The following KANSL1 variants were observed in gnomAD, a reference collection of about 807,000 sequenced individuals.
The protein encoded by KANSL1 is KAT8 regulatory NSL complex subunit 1.
Under a neutral mutation model 103.6 loss-of-function variants are expected in KANSL1, and 22 were observed. The observed-to-expected ratio is 0.21, with a 90% CI of 0.15 to 0.30. KANSL1 has a LOEUF of 0.30. Among genes scored for constraint, KANSL1 ranks in the 10% least tolerant of loss-of-function variants. The pLI is 1.00. For missense variants in KANSL1, 1,337 were observed against 1,399.8 expected, an observed-to-expected ratio of 0.96 and a Z score of 0.72; for synonymous variants, 600 against 527.6, an observed-to-expected ratio of 1.14 and a Z score of -1.88.
At chr17:46,204,473 A>C (rs1218787552) in intron 1 of KANSL1, among the ~76,000 whole-genome samples, 2 of 152,130 alleles carry the variant, frequency 1.3e-5, no homozygotes, top group Non-Finnish European at 2.9e-5. Flanking sequence ...TCAAAAAAAC[A>C]AACAGTTATA....
chr17:46,065,357 G>A (rs2078339781), intron 6 of KANSL1, among the ~76,000 whole-genome samples: 1 of 152,126 alleles, frequency 6.6e-6, no homozygotes, highest in South Asian at 2.1e-4. Flanking sequence ...CATAGGGTAA[G>A]CACTTTTGTC....
At chr17:46,116,575 A>C (rs958176698) in intron 2 of KANSL1, among the ~76,000 whole-genome samples, 10 of 152,236 alleles carry the variant, frequency 6.6e-5, no homozygotes, top group Non-Finnish European at 2.9e-5. Flanking sequence ...AACTATAATA[A>C]TGTTTTCTAT....
At chr17:46,096,478 G>A (rs2042090129) in intron 2 of KANSL1, among the ~76,000 whole-genome samples, 1 of 150,668 alleles carries the variant, frequency 6.6e-6, no homozygotes, top group Non-Finnish European at 1.5e-5. Context: ...GCGCCACCAT[G>A]CCCGGCTAAT....
chr17:46,121,920 A>G (rs145325710), intron 2 of KANSL1, among the ~76,000 whole-genome samples: 1 of 152,300 alleles, frequency 6.6e-6, no homozygotes, highest in African/African-American at 2.4e-5. Context: ...ACATTATCCT[A>G]CAGTTGGGCA....
At chr17:46,117,772 A>ATTTTAATTAATT (rs1417200198) in intron 2 of KANSL1, among the ~76,000 whole-genome samples, 1 of 152,248 alleles carries the variant, frequency 6.6e-6, no homozygotes, top group African/African-American at 2.4e-5. Context: ...CATTTTAATT[A>ATTTTAATTAATT]TGCTTTTAAA....
chr17:46,141,641 T>C (rs1056161700), intron 2 of KANSL1, among the ~76,000 whole-genome samples: 2 of 152,124 alleles, frequency 1.3e-5, no homozygotes, highest in Non-Finnish European at 2.9e-5. Flanking sequence ...TGCCCAAGAA[T>C]ACAGTATCCT....
intron 2 of KANSL1, among the ~76,000 whole-genome samples, chr17:46,121,972 T>TA (rs2043301283): frequency 6.6e-6 from 1 of 152,214 alleles, no homozygotes; most frequent in East Asian, 1.9e-4. Flanking sequence ...AAAGCATGAA[T>TA]AACTCATTTA....
chr17:46,199,448 G>A (rs2047722500), intron 1 of KANSL1, among the ~76,000 whole-genome samples: 1 of 152,176 alleles, frequency 6.6e-6, no homozygotes, highest in South Asian at 2.1e-4. Flanking sequence ...ATTAAATGGA[G>A]GCCTTAGCTG....
chr17:46,033,467 A>C lies in KANSL1; in HGVS notation c.2667-7T>G. 1.2e-6 allele frequency: 2 copies of C among 1,613,890 alleles called. No homozygotes were observed. The highest frequency in any genetic ancestry group is 1.7e-6 in the Non-Finnish European group (2 of 1,179,798). ...AAGATCAACCTCCCGCCAGCTGCAA[A>C]ACCAAGAACAGACAATCATGAGATG... On this transcript the variant is annotated splice_polypyrimidine_tract_variant and splice_region_variant and intron_variant, in intron 11 of 14. Coordinates refer to ENST00000432791, the MANE Select transcript of KANSL1 (RefSeq NM_015443.4).
chr17:46,033,641 C>G, intron 11 of KANSL1, 181 bp from the exon 12 acceptor site: 2 of 628,686 alleles, frequency 3.2e-6, no homozygotes, highest in Non-Finnish European at 5.7e-6. Flanking sequence ...AAATTGGCCA[C>G]CTACTCAAAT....
intron 1 of KANSL1, among the ~76,000 whole-genome samples, chr17:46,200,375 A>G (rs909448154): frequency 5.9e-5 from 9 of 152,226 alleles, no homozygotes; most frequent in African/African-American, 2.2e-4. Flanking sequence ...GGGCCTGACA[A>G]AAGTGAGTCA....
In KANSL1 at chr17:46,031,148, T is replaced by A; in HGVS notation, c.*328A>T. 2.7e-6 allele frequency: 1 copy of A among 374,190 alleles called. No homozygotes were observed. The highest frequency in any genetic ancestry group is 5.0e-6 in the Non-Finnish European group (1 of 201,318). The allele number at this position is 374,190 out of a possible 1,614,324, so 23.2% of individuals were successfully genotyped here. ...CAGGCTGTTCTGCCCTGCCCACAGG[T>A]GTGAGGGAGGGGGTGGTCATCTAAG... On this transcript the variant is annotated 3_prime_UTR_variant, in exon 15 of 15. Coordinates refer to ENST00000432791, the MANE Select transcript of KANSL1 (RefSeq NM_015443.4).
chr17:46,218,318 T>C (rs2048404161), intron 1 of KANSL1, among the ~76,000 whole-genome samples: 1 of 152,264 alleles, frequency 6.6e-6, no homozygotes, highest in African/African-American at 2.4e-5. Flanking sequence ...ACACTCTGCG[T>C]GAATAAACTC....
At chr17:46,038,916 T>C in intron 9 of KANSL1, 111 bp downstream of exon 9, 1 of 1,378,698 alleles carries the variant, frequency 7.3e-7, no homozygotes, top group Non-Finnish European at 9.9e-7. Context: ...CTACTCTGCT[T>C]TCCTAGAAAG....
At chr17:46,063,518 A>G (rs922182289) in intron 6 of KANSL1, among the ~76,000 whole-genome samples, 1 of 152,174 alleles carries the variant, frequency 6.6e-6, no homozygotes, top group African/African-American at 2.4e-5. Flanking sequence ...CTAACTCTGG[A>G]AGAACTCCAG....
At chr17:46,169,541 A>G (rs2046174983) in intron 2 of KANSL1, 2 of 152,256 alleles carry the variant, frequency 1.3e-5, no homozygotes, top group South Asian at 2.1e-4. Flanking sequence ...CTTTTAATAC[A>G]GTCAAGGAAA....
chr17:46,031,129 G>A lies in KANSL1; in HGVS notation c.*347C>T, dbSNP rs1180558476. 3 of 324,974 alleles carry A rather than the reference G, an allele frequency of 9.2e-6. No individual in the cohort carries two copies. The highest frequency in any genetic ancestry group is 1.8e-5 in the Non-Finnish European group (3 of 171,172). 20.1% of individuals were successfully genotyped at this position (324,974 alleles called of 1,614,324 possible). ...ATGCTAAACTGTAGCCCGCCAGGCT[G>A]TTCTGCCCTGCCCACAGGTGTGAGG... is the stretch of plus-strand genomic sequence containing the variant. On this transcript the variant is annotated 3_prime_UTR_variant, in exon 15 of 15. Coordinates refer to ENST00000432791, the MANE Select transcript of KANSL1 (RefSeq NM_015443.4).
chr17:46,070,253 A>C (rs1170730717), intron 4 of KANSL1, among the ~76,000 whole-genome samples: 2 of 152,212 alleles, frequency 1.3e-5, no homozygotes, highest in African/African-American at 4.8e-5. Context: ...ACCAAATCAA[A>C]ATATTAAAAA....
At chr17:46,104,205 CGTCA>C (rs771171398) in intron 2 of KANSL1, among the ~76,000 whole-genome samples, 11 of 152,120 alleles carry the variant, frequency 7.2e-5, no homozygotes, top group South Asian at 4.1e-4. Flanking sequence ...TTTCAATACC[CGTCA>C]GTCAGATTTT....
Sources: gnomAD v4.1 joint callset for allele counts (sites outside exome capture counted in the v4.1 genomes callset) on GRCh38, gnomAD v4.1.1 for gene constraint, MANE v1.5 for transcripts, NCBI Gene and HGNC (gene_info 2026-07-23, HGNC 2026-07-21) for gene names.